HVCN1: variants seen among roughly 807,000 people sequenced by gnomAD.
The protein encoded by HVCN1 is hydrogen voltage gated channel 1.
HVCN1 carries 14 observed loss-of-function variants against 29.2 expected under a neutral mutation model. That is an observed-to-expected ratio of 0.48 (90% CI 0.32 to 0.75). The LOEUF (loss-of-function observed/expected upper bound fraction) is 0.75, where lower values mean the gene tolerates loss of function less well. Ranked by LOEUF, HVCN1 falls within the 30% of genes least tolerant of loss-of-function variation. HVCN1 has a pLI of 0.04. For missense variants in HVCN1, 263 were observed against 341.8 expected, an observed-to-expected ratio of 0.77 and a Z score of 1.82; for synonymous variants, 131 against 133.2, an observed-to-expected ratio of 0.98 and a Z score of 0.11.
intron 2 of HVCN1, among the ~76,000 whole-genome samples, chr12:110,698,849 C>T (rs1057177288): frequency 1.3e-5 from 2 of 152,180 alleles, no homozygotes; most frequent in African/African-American, 4.8e-5. Context: ...CACAGCCAGC[C>T]GGGCACGGTG....
chr12:110,670,478 C>T lies in HVCN1; in HGVS notation c.22-9030G>A, dbSNP rs559230435. 1.1e-4 allele frequency among the ~76,000 whole-genome samples: 17 copies of T among 152,340 alleles called. No homozygotes were observed. In the Middle Eastern group the frequency reaches 0.017, roughly 152 times the overall value. The stretch of plus-strand genomic sequence containing the variant: ...ATTACTATGGTTGCTTATTTTATCA[C>T]ACCTCATATCATCTCAGCATGCTGC... On this transcript the variant is annotated intron_variant, in intron 3 of 7. Transcript: ENST00000242607.
chr12:110,655,470 G>T, intron 4 of HVCN1, 132 bp from the exon 5 acceptor site: 2 of 649,910 alleles, frequency 3.1e-6, no homozygotes, highest in East Asian at 2.8e-5. Flanking sequence ...GGAGGCTACT[G>T]CTATAGCTCG....
Position 110,648,875 on chromosome 12 carries a change from A to C in HVCN1, c.*535T>G, listed in dbSNP as rs2067621002. The C allele has an allele frequency of 7.8e-6, 3 of 383,444 alleles. No homozygotes were observed. The allele number at this position is 383,444 out of a possible 1,614,324, so 23.8% of individuals were successfully genotyped here. The stretch of plus-strand genomic sequence containing the variant: ...GGAAAAATGTTGTCAGGTGGCAGAA[A>C]ACAATGGAGCCACCTAGAAGCTGGC... On this transcript the variant is annotated 3_prime_UTR_variant, in exon 8 of 8. Transcript: ENST00000242607.
Position 110,661,258 on chromosome 12 carries a change from G to GC in HVCN1, c.211dup (p.Ala71GlyfsTer3). The GC allele has an allele frequency of 6.2e-7, 1 of 1,614,154 alleles. No homozygotes were observed. The highest frequency in any genetic ancestry group is 1.1e-5 in the South Asian group (1 of 91,080). On this transcript the variant is annotated frameshift_variant, in exon 4 of 8. Coordinates refer to ENST00000242607, the MANE Select transcript of HVCN1 (RefSeq NM_032369.4). LOFTEE classifies it high-confidence loss of function. The surrounding 1 kb of genome is among the most constrained non-coding windows in gnomAD (Gnocchi z 6.2). Reference sequence around the variant, plus strand: ...GCCAGGGGCAGGGGCAACGTCAGGGGCTGCAGCTCTGCCTTCCTCGCCTGA... The same window carrying GC: ...GCCAGGGGCAGGGGCAACGTCAGGGGCCTGCAGCTCTGCCTTCCTCGCCTGA...
chr12:110,689,429 A>T (rs1356723255), upstream of HVCN1: 1 of 151,874 alleles, frequency 6.6e-6, no homozygotes, highest in Non-Finnish European at 1.5e-5. The surrounding 1 kb of genome is among the most constrained non-coding windows in gnomAD (Gnocchi z 5.7). Context: ...GCCCCGGGCC[A>T]GCCTAAGGGA....
intron 3 of HVCN1, among the ~76,000 whole-genome samples, chr12:110,674,724 C>T (rs1001769126): frequency 4.6e-5 from 7 of 152,176 alleles, no homozygotes; most frequent in Admixed American, 6.5e-5. Context: ...AAGTGCTTTT[C>T]GTCTCCTGCC....
intron 4 of HVCN1, among the ~76,000 whole-genome samples, chr12:110,659,568 G>T (rs970008612): frequency 1.3e-5 from 2 of 152,210 alleles, no homozygotes; most frequent in African/African-American, 4.8e-5. Flanking sequence ...TGGGGATGGG[G>T]ATTGGGTCCA....
upstream of HVCN1, among the ~76,000 whole-genome samples, chr12:110,690,035 C>T (rs1046084162): frequency 3.9e-5 from 6 of 152,216 alleles, no homozygotes; most frequent in Admixed American, 3.9e-4. Flanking sequence ...AGTGGCTTAA[C>T]ACAAATGTGT....
At chr12:110,666,067 A>G (rs2068338033) in intron 3 of HVCN1, among the ~76,000 whole-genome samples, 1 of 152,032 alleles carries the variant, frequency 6.6e-6, no homozygotes, top group Admixed American at 6.6e-5. Flanking sequence ...TGAAAAGTAT[A>G]TATACGAAAT....
Position 110,661,441 on chromosome 12 carries a change from G to T in HVCN1, c.29C>A (p.Thr10Asn), listed in dbSNP as rs753375631. 1.1e-5 allele frequency: 17 copies of T among 1,613,908 alleles called. No homozygotes were observed. Among genetic ancestry groups the T allele is most frequent in the East Asian group, 2.2e-5 (1 of 44,886 alleles). MATWDEKAV[T>N]RRAKVAPAER... ...AGCGGGAGCCACCTTGGCCCTGCGG[G>T]TGACTGCCTAGAAGGCGGGGACAGA... Residue 10 changes from threonine (T) to asparagine (N), a missense_variant, in exon 4 of 8, where the codon ACC (threonine) becomes AAC (asparagine). By Grantham distance (65) the Thr-to-Asn change is moderately conservative (BLOSUM62 0). Around this residue, in one of 3 missense-constraint regions of HVCN1, gnomAD observed 157 missense variants for 181.3 expected, o/e 0.87. Coordinates refer to ENST00000242607, the MANE Select transcript of HVCN1 (RefSeq NM_032369.4). The surrounding 1 kb of genome is among the most constrained non-coding windows in gnomAD (Gnocchi z 6.2).
intron 2 of HVCN1, among the ~76,000 whole-genome samples, chr12:110,697,218 C>A (rs2069506981): frequency 1.3e-5 from 2 of 151,990 alleles, no homozygotes; most frequent in Admixed American, 6.6e-5. Flanking sequence ...GGCAGAGAGG[C>A]TTGGGCGTCA....
At chr12:110,683,323 T>C (rs1466441516) in intron 2 of HVCN1, 59 bp from the exon 3 acceptor site, 1 of 1,539,286 alleles carries the variant, frequency 6.5e-7, no homozygotes, top group Non-Finnish European at 8.7e-7. Flanking sequence ...TGCCTTGGTA[T>C]GTGCTCTGTA....
chr12:110,653,161 T>C (rs1355055791), intron 5 of HVCN1, among the ~76,000 whole-genome samples: 1 of 152,074 alleles, frequency 6.6e-6, no homozygotes, highest in African/African-American at 2.4e-5. Flanking sequence ...TTTCTCTAGA[T>C]TAAGAAAGCC....
rs2068069937 is a variant in HVCN1, at chr12:110,658,771, G to C, written c.306+2393C>G. Among the ~76,000 whole-genome samples, 1 of 152,176 alleles carries C rather than the reference G, an allele frequency of 6.6e-6. No individual in the cohort carries two copies. Among genetic ancestry groups the C allele is most frequent in the Non-Finnish European group, 1.5e-5 (1 of 68,042 alleles). ...CTGCAGCCTGCCAAATCCTCAATGA[G>C]GGCAAAGATGTGTCTGCCACATTTG... On this transcript the variant is annotated intron_variant, in intron 4 of 7. Coordinates refer to ENST00000242607, the MANE Select transcript of HVCN1 (RefSeq NM_032369.4). The surrounding 1 kb of genome is among the most constrained non-coding windows in gnomAD (Gnocchi z 5.0).
At chr12:110,679,253 A>G (rs2068859306) in intron 3 of HVCN1, among the ~76,000 whole-genome samples, 1 of 152,168 alleles carries the variant, frequency 6.6e-6, no homozygotes, top group African/African-American at 2.4e-5. Flanking sequence ...CGAGGTGGGT[A>G]AGGAACCCCA....
intron 3 of HVCN1, among the ~76,000 whole-genome samples, chr12:110,674,843 T>A (rs2068695640): frequency 6.6e-6 from 1 of 152,096 alleles, no homozygotes; most frequent in Admixed American, 6.6e-5. Flanking sequence ...AAATACAAGG[T>A]TTATCCCTAA....
chr12:110,658,492 G>A lies in HVCN1; in HGVS notation c.306+2672C>T, dbSNP rs571561948. Among the ~76,000 whole-genome samples the A allele has an allele frequency of 7.5e-4, 114 of 152,106 alleles. 2 individuals are homozygous for A. The highest frequency in any genetic ancestry group is 1.9e-3 in the South Asian group (9 of 4,822). ...CTGGCAACACCCATACCCGATCCAC[G>A]TGCGCCCTTCTCAATTCCTCCAATG... On this transcript the variant is annotated intron_variant, in intron 4 of 7. Transcript: ENST00000242607. This position sits in a 1 kb window ranked among gnomAD's most constrained non-coding sequence, Gnocchi z 5.0.
chr12:110,656,044 G>A (rs1413318496), intron 4 of HVCN1, among the ~76,000 whole-genome samples: 1 of 152,170 alleles, frequency 6.6e-6, no homozygotes, highest in East Asian at 1.9e-4. Context: ...GCTGTTGCTG[G>A]GGTGCTCACA....
chr12:110,651,336 G>A lies in HVCN1; in HGVS notation c.524C>T (p.Ala175Val). The A allele has an allele frequency of 6.2e-7, 1 of 1,613,518 alleles. No homozygotes were observed. The highest frequency in any genetic ancestry group is 1.1e-5 in the South Asian group (1 of 91,060). Residue 175 changes from alanine to valine, a missense_variant, in exon 6 of 8, where the codon GCC (alanine) becomes GTC (valine). Ala to Val is a moderately conservative substitution (Grantham distance 64). Around this residue, in one of 3 missense-constraint regions of HVCN1, gnomAD observed 55 missense variants for 109.4 expected, o/e 0.50. Coordinates refer to ENST00000242607, the MANE Select transcript of HVCN1 (RefSeq NM_032369.4). ...FFHHKFEILD[A>V]VVVVVSFILD... ...GATGAATGAGACCACCACCACGACG[G>A]CATCCAGGATCTCAAACTTGTGGTG...
Sources: gnomAD v4.1 joint callset for allele counts (sites outside exome capture counted in the v4.1 genomes callset) on GRCh38, gnomAD v4.1.1 for gene constraint, gnomAD v4.1.1 regional missense constraint, Gnocchi (gnomAD v3.1) non-coding constraint, MANE v1.5 for transcripts, NCBI Gene and HGNC (gene_info 2026-07-23, HGNC 2026-07-21) for gene names.